Variants in WWOX observed in about 807,000 individuals in gnomAD.
WWOX encodes WW domain-containing oxidoreductase.
In WWOX, 69 loss-of-function variants were observed where a neutral mutation model predicts 46.2. The ratio of observed to expected loss-of-function variants is 1.49; its 90% CI spans 1.23 to 1.82. The LOEUF (loss-of-function observed/expected upper bound fraction) is 1.82. Among genes scored for constraint, WWOX ranks in the 40% most tolerant of loss-of-function variants. The pLI is 0.00. For synonymous variants in WWOX, 359 were observed against 202.6 expected, an observed-to-expected ratio of 1.77 and a Z score of -6.56; for missense variants, 919 against 542.6, an observed-to-expected ratio of 1.69 and a Z score of -6.89.
At chr16:78,496,434 G>C (rs1205494168) in intron 8 of WWOX, 2 of 152,228 alleles carry the variant, frequency 1.3e-5, no homozygotes, top group African/African-American at 4.8e-5. Context: ...GTGATGACCT[G>C]TAAATGGAAT....
intron 5 of WWOX, among the ~76,000 whole-genome samples, chr16:78,253,411 A>G (rs1466268229): frequency 6.6e-6 from 1 of 152,208 alleles, no homozygotes; most frequent in Non-Finnish European, 1.5e-5. Flanking sequence ...CTGTGAATAG[A>G]CATTATTATG....
intron 5 of WWOX, among the ~76,000 whole-genome samples, chr16:78,211,866 C>T (rs531684359): frequency 5.3e-5 from 8 of 152,256 alleles, no homozygotes; most frequent in African/African-American, 1.4e-4. Flanking sequence ...GTGGAAAGAA[C>T]GAGGTTCAAA....
chr16:78,351,804 G>C (rs1010832683), intron 5 of WWOX, among the ~76,000 whole-genome samples: 1 of 152,088 alleles, frequency 6.6e-6, no homozygotes. Context: ...TTACAGACGT[G>C]TATCACCAGG....
intron 8 of WWOX, among the ~76,000 whole-genome samples, chr16:79,123,928 C>T (rs537262280): frequency 2.0e-5 from 3 of 152,174 alleles, no homozygotes; most frequent in African/African-American, 7.2e-5. Context: ...GGGTCTCCTG[C>T]TGTATCAAAT....
intron 8 of WWOX, among the ~76,000 whole-genome samples, chr16:78,769,602 C>A (rs953113188): frequency 2.1e-5 from 3 of 142,952 alleles, no homozygotes; most frequent in African/African-American, 7.8e-5. Flanking sequence ...GTCTGTTACT[C>A]CATCAGTCAG....
chr16:78,877,020 A>T (rs1267168685), intron 8 of WWOX, among the ~76,000 whole-genome samples: 1 of 152,140 alleles, frequency 6.6e-6, no homozygotes, highest in African/African-American at 2.4e-5. Context: ...TGCTGGTTCG[A>T]AGAGGTCCAG....
intron 8 of WWOX, among the ~76,000 whole-genome samples, chr16:79,048,185 C>G (rs1012506800): frequency 2.0e-5 from 3 of 152,110 alleles, no homozygotes; most frequent in South Asian, 4.2e-4. Flanking sequence ...CTTCGACTTT[C>G]TATTTTTTGA....
intron 8 of WWOX, among the ~76,000 whole-genome samples, chr16:78,519,643 G>A (rs1314770868): frequency 2.6e-5 from 4 of 152,008 alleles, no homozygotes; most frequent in African/African-American, 9.7e-5. Context: ...GGACCTTTAG[G>A]ACATGATAAG....
chr16:78,465,687 T>G (rs894462149), intron 8 of WWOX, among the ~76,000 whole-genome samples: 1 of 152,270 alleles, frequency 6.6e-6, no homozygotes, highest in Non-Finnish European at 1.5e-5. Flanking sequence ...TTCCTTGGTA[T>G]GTAAATTTAG....
intron 8 of WWOX, among the ~76,000 whole-genome samples, chr16:78,767,943 A>AC (rs1392048509): frequency 6.6e-6 from 1 of 152,086 alleles, no homozygotes; most frequent in African/African-American, 2.4e-5. Context: ...TTCCAGCACC[A>AC]CGAGTTTGGA....
chr16:78,545,376 C>G (rs534105875), intron 8 of WWOX, among the ~76,000 whole-genome samples: 2 of 150,530 alleles, frequency 1.3e-5, no homozygotes, highest in Admixed American at 6.6e-5. Flanking sequence ...TAATCCATTT[C>G]TTTTAAAAAA....
Position 78,877,007 on chromosome 16 carries a change from T to G in WWOX, c.1057-334601T>G, listed in dbSNP as rs190876608. On this transcript the variant is annotated intron_variant, in intron 8 of 8. Transcript: ENST00000566780. ...GCCTGTTAAGTTAACTGGTTCCTAT[T>G]TCTGCTGGTTCGAAGAGGTCCAGGA... Among the ~76,000 whole-genome samples, 100 of 152,294 alleles carry G rather than the reference T, an allele frequency of 6.6e-4. 1 individual carries two copies. The highest frequency in any genetic ancestry group is 2.3e-3 in the African/African-American group (94 of 41,564).
chr16:78,101,756 C>T (rs1310470780), intron 1 of WWOX, among the ~76,000 whole-genome samples: 5 of 152,184 alleles, frequency 3.3e-5, no homozygotes, highest in Non-Finnish European at 5.9e-5. Flanking sequence ...GGAAAAACAA[C>T]CAAGTTCTGA....
chr16:78,108,997 G>GACA (rs547868129), intron 2 of WWOX, among the ~76,000 whole-genome samples: 112 of 151,980 alleles, frequency 7.4e-4, no homozygotes, highest in Non-Finnish European at 1.2e-3. Flanking sequence ...GAAAAATAGC[G>GACA]ACAACAACAA....
At chr16:78,569,635 TCA>T (rs1260721464) in intron 8 of WWOX, among the ~76,000 whole-genome samples, 1 of 152,246 alleles carries the variant, frequency 6.6e-6, no homozygotes, top group Non-Finnish European at 1.5e-5. Flanking sequence ...CACTGATTAA[TCA>T]CAGTTATAGA....
intron 8 of WWOX, among the ~76,000 whole-genome samples, chr16:78,576,274 T>C (rs1283926961): frequency 2.0e-5 from 3 of 152,216 alleles, no homozygotes; most frequent in African/African-American, 7.2e-5. Flanking sequence ...CAACAAATAA[T>C]GCATCTGTGA....
chr16:79,127,138 T>G (rs2049775618), intron 8 of WWOX, among the ~76,000 whole-genome samples: 1 of 152,078 alleles, frequency 6.6e-6, no homozygotes, highest in Admixed American at 6.6e-5. Context: ...AAAAACAAGG[T>G]GTATATGTAT....
intron 8 of WWOX, among the ~76,000 whole-genome samples, chr16:78,490,480 C>A (rs1353656073): frequency 6.6e-6 from 1 of 152,156 alleles, no homozygotes; most frequent in African/African-American, 2.4e-5. Context: ...TCCCGCAAAT[C>A]TATTTACGGT....
intron 4 of WWOX, among the ~76,000 whole-genome samples, chr16:78,135,131 A>T (rs143890390): frequency 9.3e-4 from 142 of 152,324 alleles, no homozygotes; most frequent in Middle Eastern, 6.8e-3. Context: ...GAAATAGAGG[A>T]TGCAGATTCC....
Sources: gnomAD v4.1 joint callset for allele counts (sites outside exome capture counted in the v4.1 genomes callset) on GRCh38, gnomAD v4.1.1 for gene constraint, MANE v1.5 for transcripts, NCBI Gene and HGNC (gene_info 2026-07-23, HGNC 2026-07-21) for gene names.